The following MEF2A variants were observed in gnomAD, a reference collection of about 807,000 sequenced individuals.
The protein encoded by MEF2A is myocyte-specific enhancer factor 2A.
Under a neutral mutation model 55.8 loss-of-function variants are expected in MEF2A, and 28 were observed. The ratio of observed to expected loss-of-function variants is 0.50; its 90% CI spans 0.37 to 0.69. MEF2A has a LOEUF of 0.69. Among genes scored for constraint, MEF2A ranks in the 30% least tolerant of loss-of-function variants. The pLI, the probability that MEF2A is intolerant of heterozygous loss-of-function variation, is 0.00. For missense variants in MEF2A, 528 were observed against 626.2 expected (o/e 0.84, Z 1.67); for synonymous variants, 239 against 227.1 (o/e 1.05, Z -0.47).
At chr15:99,608,286 T>G (rs1385552766) in intron 2 of MEF2A, among the ~76,000 whole-genome samples, 1 of 152,228 alleles carries the variant, frequency 6.6e-6, no homozygotes, top group East Asian at 1.9e-4. Flanking sequence ...TGTAAGGTAC[T>G]TGCACTATAT....
At chr15:99,566,777 AGT>A (rs1240802306) in intron 1 of MEF2A, among the ~76,000 whole-genome samples, 2 of 152,024 alleles carry the variant, frequency 1.3e-5, no homozygotes, top group Non-Finnish European at 2.9e-5. Flanking sequence ...GAATTCTGTG[AGT>A]GTGTAGATGT....
chr15:99,709,160 G>A (rs2058353834), intron 10 of MEF2A, among the ~76,000 whole-genome samples: 1 of 152,278 alleles, frequency 6.6e-6, no homozygotes, highest in South Asian at 2.1e-4. Flanking sequence ...TAGAGAGGTG[G>A]CAGTAGAGAT....
At chr15:99,576,964 A>G (rs1401823843) in intron 1 of MEF2A, among the ~76,000 whole-genome samples, 1 of 152,178 alleles carries the variant, frequency 6.6e-6, no homozygotes, top group Non-Finnish European at 1.5e-5. Context: ...TTAGTTTTTA[A>G]CTTAAAAATT....
intron 1 of MEF2A, among the ~76,000 whole-genome samples, chr15:99,596,224 G>A (rs1373058376): frequency 2.0e-5 from 3 of 152,110 alleles, no homozygotes; most frequent in African/African-American, 7.2e-5. Flanking sequence ...TCAAATTTGT[G>A]TTTAATCACT....
rs180888796 is a variant in MEF2A at position 99,710,902 on chromosome 15, A to C, written c.1136+142A>C. 2.1e-5 allele frequency: 22 copies of C among 1,024,526 alleles called. No individual in the cohort carries two copies. The South Asian group carries it at 2.5e-4, about 12-fold the overall frequency. 63.5% of individuals were successfully genotyped at this position (1,024,526 alleles called of 1,614,324 possible). On this transcript the variant is annotated intron_variant, in intron 11 of 11. Transcript: ENST00000557942. ...TTTTCAGGTAGATACAAGTGTCGGGAGAAAATATTTTCTTACATGGCTCTA... is the reference window on the plus strand; with the variant it reads ...TTTTCAGGTAGATACAAGTGTCGGGCGAAAATATTTTCTTACATGGCTCTA...
At chr15:99,608,583 TAAG>T (rs1219193911) in intron 2 of MEF2A, among the ~76,000 whole-genome samples, 3 of 152,152 alleles carry the variant, frequency 2.0e-5, no homozygotes, top group Admixed American at 6.5e-5. Context: ...ACCTAAAACA[TAAG>T]AAGTAAACAC....
intron 7 of MEF2A, among the ~76,000 whole-genome samples, chr15:99,677,513 G>GA (rs1193555960): frequency 6.6e-6 from 1 of 152,046 alleles, no homozygotes; most frequent in Non-Finnish European, 1.5e-5. Context: ...TAAGATAGAA[G>GA]AAAATTATCC....
intron 1 of MEF2A, among the ~76,000 whole-genome samples, chr15:99,572,478 T>C (rs1431565853): frequency 6.6e-6 from 1 of 152,216 alleles, no homozygotes; most frequent in East Asian, 1.9e-4. Flanking sequence ...TGTTTAGTTA[T>C]TGCTTATTTA....
At chr15:99,642,569 A>G (rs369965168) in intron 3 of MEF2A, among the ~76,000 whole-genome samples, 6 of 152,232 alleles carry the variant, frequency 3.9e-5, no homozygotes, top group East Asian at 1.9e-4. Context: ...GAGCCATACC[A>G]GCTCACATTT....
intron 1 of MEF2A, among the ~76,000 whole-genome samples, chr15:99,570,290 C>T (rs1481870722): frequency 2.6e-5 from 4 of 152,018 alleles, no homozygotes; most frequent in Non-Finnish European, 2.9e-5. Flanking sequence ...AATACCAACC[C>T]GGGCATGTCT....
chr15:99,574,170 T>A (rs1963497096), intron 1 of MEF2A, among the ~76,000 whole-genome samples: 1 of 152,234 alleles, frequency 6.6e-6, no homozygotes, highest in Non-Finnish European at 1.5e-5. Context: ...ACATTTGCTT[T>A]GTCGTTCTTG....
At chr15:99,597,375 G>A (rs1441895353) in intron 1 of MEF2A, among the ~76,000 whole-genome samples, 5 of 152,078 alleles carry the variant, frequency 3.3e-5, no homozygotes. Context: ...GGCTCATTAG[G>A]AAGAGGAAAT....
intron 3 of MEF2A, among the ~76,000 whole-genome samples, chr15:99,638,301 T>G (rs1406449776): frequency 6.6e-6 from 1 of 152,152 alleles, no homozygotes; most frequent in African/African-American, 2.4e-5. Flanking sequence ...TTTCTTTTGT[T>G]GCTTTAAAGC....
At chr15:99,668,812 A>G (rs574225998) in intron 4 of MEF2A, among the ~76,000 whole-genome samples, 4 of 152,334 alleles carry the variant, frequency 2.6e-5, no homozygotes, top group Middle Eastern at 3.4e-3. Context: ...AGAAACTTCT[A>G]CTGTTGTGCT....
intron 7 of MEF2A, among the ~76,000 whole-genome samples, chr15:99,676,576 GTT>G (rs67443428): frequency 1.3e-4 from 18 of 140,856 alleles, no homozygotes; most frequent in South Asian, 2.3e-4. Flanking sequence ...ATACAGTTTT[GTT>G]TTTTTTTTTT....
chr15:99,699,797 T>C (rs2057092102), intron 8 of MEF2A, among the ~76,000 whole-genome samples: 1 of 151,848 alleles, frequency 6.6e-6, no homozygotes, highest in Admixed American at 6.6e-5. Context: ...TAAATAAATA[T>C]AAAATGTAAA....
At chr15:99,695,004 C>G (rs1465038782) in intron 8 of MEF2A, among the ~76,000 whole-genome samples, 1 of 149,130 alleles carries the variant, frequency 6.7e-6, no homozygotes, top group Non-Finnish European at 1.5e-5. Flanking sequence ...TCAGGGGGAG[C>G]AGGCGCTTTT....
chr15:99,578,615 T>C (rs142967996), intron 1 of MEF2A, among the ~76,000 whole-genome samples: 1 of 152,322 alleles, frequency 6.6e-6, no homozygotes, highest in Non-Finnish European at 1.5e-5. Flanking sequence ...TTTTTCCTTC[T>C]CAGCAGACAG....
chr15:99,622,639 A>G (rs1321696460), intron 2 of MEF2A, among the ~76,000 whole-genome samples: 2 of 152,120 alleles, frequency 1.3e-5, no homozygotes, highest in African/African-American at 4.8e-5. Context: ...TAGTGGCATT[A>G]AATAAATAGA....
Sources: gnomAD v4.1 joint callset for allele counts (sites outside exome capture counted in the v4.1 genomes callset) on GRCh38, gnomAD v4.1.1 for gene constraint, MANE v1.5 for transcripts, NCBI Gene and HGNC (gene_info 2026-07-23, HGNC 2026-07-21) for gene names.